Variants in EML6 observed in about 807,000 individuals in gnomAD.
EML6 encodes the protein EMAP like 6.
In EML6, 154 loss-of-function variants were observed where a neutral mutation model predicts 240.1. The observed-to-expected ratio is 0.64, with a 90% CI of 0.56 to 0.73. The LOEUF is 0.73. EML6 is among the 30% of genes least tolerant of loss of function. EML6 has a pLI of 0.00. For missense variants in EML6, 2,964 were observed against 2,474.6 expected, an observed-to-expected ratio of 1.20 and a Z score of -4.20; for synonymous variants, 1,148 against 899.0, an observed-to-expected ratio of 1.28 and a Z score of -4.95.
At chr2:54,871,685 G>T in intron 16 of EML6, 80 bp downstream of exon 16, 1 of 987,558 alleles carries the variant, frequency 1.0e-6, no homozygotes, top group South Asian at 1.4e-5. Flanking sequence ...GCGCATGCGC[G>T]CACGCGTGTG....
At chr2:54,866,113 T>G (rs1217522564) in intron 13 of EML6, among the ~76,000 whole-genome samples, 1 of 152,252 alleles carries the variant, frequency 6.6e-6, no homozygotes, top group East Asian at 1.9e-4. Context: ...TTTTATGATT[T>G]TTAAAAGAGT....
Position 54,761,746 on chromosome 2 carries a change from T to C in EML6, c.197+36488T>C, listed in dbSNP as rs550874197. 2.0e-5 allele frequency among the ~76,000 whole-genome samples: 3 copies of C among 152,282 alleles called. No homozygotes were observed. The East Asian group carries it at 5.8e-4, about 29-fold the overall frequency. ...CTATTTAAACTTATTTTGGAATCATTTCAAACTTGTAGAAAAATAGCAAGA... is the reference window on the plus strand; with the variant it reads ...CTATTTAAACTTATTTTGGAATCATCTCAAACTTGTAGAAAAATAGCAAGA... On this transcript the variant is annotated intron_variant, in intron 2 of 41. Transcript: ENST00000356458.
intron 2 of EML6, among the ~76,000 whole-genome samples, chr2:54,796,388 A>G (rs1669773446): frequency 6.6e-6 from 1 of 152,244 alleles, no homozygotes; most frequent in Admixed American, 6.5e-5. Context: ...CATTTCTTAA[A>G]GGGAAAATGA....
At chr2:54,959,790 T>A (rs1290866430) in intron 34 of EML6, among the ~76,000 whole-genome samples, 1 of 151,998 alleles carries the variant, frequency 6.6e-6, no homozygotes, top group African/African-American at 2.4e-5. Context: ...TAAAAGAAAA[T>A]CTTGAGAGGT....
rs79798961 is a variant in EML6, at chr2:54,822,865, A to G, written c.525+2403A>G. On this transcript the variant is annotated intron_variant, in intron 5 of 41. Transcript: ENST00000356458. The stretch of plus-strand genomic sequence containing the variant: ...TTTAAAAATGGAGAACAAAAATTTT[A>G]GAGGTTCCACTACTCAAAAGTGTAA... 6.7e-4 allele frequency among the ~76,000 whole-genome samples: 102 copies of G among 152,340 alleles called. No individual in the cohort carries two copies. The East Asian group carries it at 0.014, about 21-fold the overall frequency.
chr2:54,855,849 G>A (rs1670346720), intron 11 of EML6, among the ~76,000 whole-genome samples: 1 of 152,166 alleles, frequency 6.6e-6, no homozygotes, highest in Non-Finnish European at 1.5e-5. Flanking sequence ...GGGAATTGTT[G>A]ATGGGAATAC....
intron 2 of EML6, among the ~76,000 whole-genome samples, chr2:54,767,652 C>CA (rs1668242477): frequency 6.9e-6 from 1 of 144,596 alleles, no homozygotes; most frequent in Non-Finnish European, 1.5e-5. Flanking sequence ...GTGTATGTTG[C>CA]AAAAATATTG....
chr2:54,831,044 T>A (rs916725510), intron 7 of EML6, among the ~76,000 whole-genome samples: 2 of 152,138 alleles, frequency 1.3e-5, no homozygotes, highest in Non-Finnish European at 2.9e-5. Flanking sequence ...CAAACAGATA[T>A]AAGCTTGCAA....
In EML6 at chr2:54,912,091, A is replaced by C. The variant is rs561893477; in HGVS notation, c.3498+1049A>C. 2.9e-3 allele frequency among the ~76,000 whole-genome samples: 443 copies of C among 152,332 alleles called. 1 individual carries two copies. Among genetic ancestry groups the C allele is most frequent in the Non-Finnish European group, 4.7e-3 (319 of 68,028 alleles). On this transcript the variant is annotated intron_variant, in intron 25 of 41. Transcript: ENST00000356458. ...GTTTGCCAGTATCTTAAACTGTCCC[A>C]GTATTGTAAGGTTCTCCCTAAGACA...
rs1266557437 is a variant in EML6, at chr2:54,820,403, A to G, written c.466A>G (p.Ile156Val). Residue 156 changes from isoleucine (I) to valine (V), a missense_variant, in exon 5 of 42, where the codon ATT (isoleucine) becomes GTT (valine). Ile to Val is a conservative substitution (Grantham distance 29). Coordinates refer to ENST00000356458, the MANE Select transcript of EML6 (RefSeq NM_001039753.4). ...ATGHSDRIFD[I>V]SWDPYQPNRV... ...TTAATGTTTTGAACAGATTTTTGAT[A>G]TTTCCTGGGATCCATATCAGCCAAA... 1.0e-5 allele frequency: 16 copies of G among 1,548,774 alleles called. No homozygotes were observed. In the East Asian group the frequency reaches 3.9e-4, roughly 38 times the overall value.
rs745935085 is a variant in EML6, at chr2:54,960,273, G to A, written c.4907G>A (p.Arg1636Gln). The A allele has an allele frequency of 6.3e-5, 97 of 1,551,386 alleles. No homozygotes were observed. The highest frequency in any genetic ancestry group is 7.8e-5 in the Non-Finnish European group (89 of 1,146,944). The stretch of plus-strand genomic sequence containing the variant: ...TGGGACCAGGAGATGAAGCGCTGCC[G>A]GGCCTTTCAGCTGGAGACCGGGCAG... ...KLWDQEMKRC[R>Q]AFQLETGQLV... The change falls in exon 35 of 42, where the codon CGG becomes CAG. Residue 1636 changes from arginine (R) to glutamine (Q), a missense_variant. Coordinates refer to ENST00000356458, the MANE Select transcript of EML6 (RefSeq NM_001039753.4).
At chr2:54,863,953 A>G in intron 13 of EML6, 64 bp downstream of exon 13, 2 of 858,168 alleles carry the variant, frequency 2.3e-6, no homozygotes, top group Non-Finnish European at 3.7e-6. Flanking sequence ...CTGGATTTGG[A>G]CATAGCACTA....
intron 2 of EML6, among the ~76,000 whole-genome samples, chr2:54,785,671 T>A (rs1669050603): frequency 6.6e-6 from 1 of 152,196 alleles, no homozygotes; most frequent in African/African-American, 2.4e-5. Context: ...TTCATAAGTT[T>A]TAATGTTTTA....
chr2:54,746,840 A>G (rs1315040295), intron 2 of EML6, among the ~76,000 whole-genome samples: 1 of 152,232 alleles, frequency 6.6e-6, no homozygotes, highest in East Asian at 1.9e-4. Context: ...CCAGCAATAA[A>G]TCAATGGAAA....
chr2:54,734,711 T>A lies in EML6; in HGVS notation c.197+9453T>A, dbSNP rs1384297616. 5.9e-5 allele frequency among the ~76,000 whole-genome samples: 9 copies of A among 152,196 alleles called. 1 individual carries two copies. ...AACTGGTAAAGAAATAGTTCCATAT[T>A]TTAACTGGTAGAGATACTGGTGCAT... On this transcript the variant is annotated intron_variant, in intron 2 of 41. Coordinates refer to ENST00000356458, the MANE Select transcript of EML6 (RefSeq NM_001039753.4).
At chr2:54,839,862 T>C (rs377365022) in intron 7 of EML6, among the ~76,000 whole-genome samples, 6,908 of 152,264 alleles carry the variant, frequency 0.045, 544 homozygotes, top group African/African-American at 0.15. Flanking sequence ...AAGGTTTTGG[T>C]CTTTGTTCCT....
chr2:54,915,968 G>A (rs1194012192), intron 25 of EML6, among the ~76,000 whole-genome samples: 1 of 152,070 alleles, frequency 6.6e-6, no homozygotes, highest in Non-Finnish European at 1.5e-5. Flanking sequence ...TTAAGAAAGT[G>A]GAAAGAAAAA....
At chr2:54,784,601 A>G (rs558201404) in intron 2 of EML6, among the ~76,000 whole-genome samples, 2 of 152,292 alleles carry the variant, frequency 1.3e-5, no homozygotes, top group South Asian at 4.1e-4. Context: ...AAACTTAACT[A>G]CTAATAGCAT....
At chr2:54,798,625 T>G (rs1291390507) in intron 2 of EML6, among the ~76,000 whole-genome samples, 3 of 152,234 alleles carry the variant, frequency 2.0e-5, no homozygotes, top group Non-Finnish European at 4.4e-5. Context: ...TCGTATATGA[T>G]CTTGTGTCTT....
Sources: allele counts gnomAD v4.1 joint callset (sites outside exome capture counted in the v4.1 genomes callset), GRCh38; gene constraint gnomAD v4.1.1; transcripts MANE v1.5; gene names NCBI Gene and HGNC (gene_info 2026-07-23, HGNC 2026-07-21).